LPIN3: variants seen among roughly 807,000 people sequenced by gnomAD.
The protein encoded by LPIN3 is phosphatidate phosphatase LPIN3.
In LPIN3, 82 loss-of-function variants were observed where a neutral mutation model predicts 94.7. That is an observed-to-expected ratio of 0.87 (90% CI 0.72 to 1.04). LPIN3 has a LOEUF of 1.04. LPIN3 is among the 50% of genes least tolerant of loss of function. LPIN3 has a pLI of 0.00. For missense variants in LPIN3, 996 were observed against 1,090.5 expected, an observed-to-expected ratio of 0.91 and a Z score of 1.22; for synonymous variants, 418 against 443.3, an observed-to-expected ratio of 0.94 and a Z score of 0.72.
At chr20:41,344,207 G>T (rs1201073463) in intron 1 of LPIN3, among the ~76,000 whole-genome samples, 1 of 152,232 alleles carries the variant, frequency 6.6e-6, no homozygotes, top group Admixed American at 6.5e-5. Flanking sequence ...CATTTTGAGT[G>T]CAGGGCATTG....
rs1364962142 is a variant in LPIN3, at chr20:41,358,279, C to T, written c.2235C>T (p.Cys745=). The T allele has an allele frequency of 6.2e-7, 1 of 1,614,190 alleles. No homozygotes were observed. The highest frequency in any genetic ancestry group is 8.5e-7 in the Non-Finnish European group (1 of 1,180,040). Residue 745 remains cysteine (C), a synonymous_variant, in exon 18 of 20, where the codon TGC becomes TGT. Transcript: ENST00000373257. The part of the protein sequence containing the change: ...EKKPEVFKVA[C]LSDIQQLFLP... ...AACCAGAGGTGTTCAAGGTCGCCTG[C>T]CTGAGTGACATCCAGCAGCTGTTTC... is the stretch of plus-strand genomic sequence containing the variant.
chr20:41,348,289 G>A (rs2045860226), intron 3 of LPIN3, among the ~76,000 whole-genome samples: 1 of 152,202 alleles, frequency 6.6e-6, no homozygotes, highest in Non-Finnish European at 1.5e-5. Context: ...TTGGGAGAGG[G>A]ATAGTCAAGG....
chr20:41,359,598 C>G lies in LPIN3; in HGVS notation c.*732C>G, dbSNP rs2046329279. 6.6e-6 allele frequency: 1 copy of G among 152,234 alleles called. No individual in the cohort carries two copies. The highest frequency in any genetic ancestry group is 1.5e-5 in the Non-Finnish European group (1 of 68,092). 9.4% of individuals were successfully genotyped at this position (152,234 alleles called of 1,614,324 possible). On this transcript the variant is annotated 3_prime_UTR_variant, in exon 20 of 20. Transcript: ENST00000373257. Reference sequence around the variant, plus strand: ...GTGTGGTACAGCCTCTGGAAGGACACAGTGTTCTCCCCGCCCCTTGTCTGG... The same window carrying G: ...GTGTGGTACAGCCTCTGGAAGGACAGAGTGTTCTCCCCGCCCCTTGTCTGG...
At chr20:41,346,072 C>A in intron 2 of LPIN3, 77 bp downstream of exon 2, 2 of 1,475,262 alleles carry the variant, frequency 1.4e-6, no homozygotes, top group South Asian at 1.3e-5. Context: ...AGTCCCAGGA[C>A]AGGACCTGGG....
In LPIN3 at chr20:41,348,741, C is replaced by T. The variant is rs1300544474; in HGVS notation, c.411C>T (p.Ala137=). 6.2e-7 allele frequency: 1 copy of T among 1,613,690 alleles called. No individual in the cohort carries two copies. Residue 137 remains alanine, a synonymous_variant, in exon 4 of 20, where the codon GCC becomes GCT. Transcript: ENST00000373257. ...AGGGCCTCGTCATGGCAGGCACGGCCTCCACTGGGCGGAGGAAGAGGCGTC... is the reference window on the plus strand; with the variant it reads ...AGGGCCTCGTCATGGCAGGCACGGCTTCCACTGGGCGGAGGAAGAGGCGTC... The part of the protein sequence containing the change: ...EPEGLVMAGT[A]STGRRKRRRR...
chr20:41,352,515 G>T, intron 9 of LPIN3, 91 bp from the exon 10 acceptor site: 1 of 1,166,640 alleles, frequency 8.6e-7, no homozygotes, highest in South Asian at 1.3e-5. Context: ...CCGACAGGAG[G>T]TGAGCAGCAG....
At position 41,347,566 on chromosome 20, in the gene LPIN3, C is replaced by G. The variant is rs756547433; in HGVS notation, c.207C>G (p.Leu69=). The G allele has an allele frequency of 6.2e-7, 1 of 1,614,178 alleles. No homozygotes were observed. The highest frequency in any genetic ancestry group is 8.5e-7 in the Non-Finnish European group (1 of 1,180,024). The part of the protein sequence containing the change: ...RSREKVVDIE[L]NGEPVDLHMK... ...TCCATTTGCAGGTAGACATTGAGCT[C>G]AATGGGGAGCCTGTGGACTTGCACA... is the stretch of plus-strand genomic sequence containing the variant. The change falls in exon 3 of 20, where the codon CTC becomes CTG. Residue 69 remains leucine (L), a synonymous_variant. Coordinates refer to ENST00000373257, the MANE Select transcript of LPIN3 (RefSeq NM_022896.3).
chr20:41,354,928 T>G (rs1600736085), intron 13 of LPIN3, 65 bp downstream of exon 13: 1 of 1,497,176 alleles, frequency 6.7e-7, no homozygotes, highest in Non-Finnish European at 9.0e-7. Flanking sequence ...TGGGTGCAGG[T>G]GGGTGGCAGG....
At position 41,357,460 on chromosome 20, in the gene LPIN3, G is replaced by C; in HGVS notation, c.2039+13G>C. Reference sequence around the variant, plus strand: ...ACAAAATCCAACTGTGAGTGCCTGGGCTGGGGCTGGGGCTGAGGCGAGGCC... The same window carrying C: ...ACAAAATCCAACTGTGAGTGCCTGGCCTGGGGCTGGGGCTGAGGCGAGGCC... On this transcript the variant is annotated intron_variant, in intron 16 of 19. Coordinates refer to ENST00000373257, the MANE Select transcript of LPIN3 (RefSeq NM_022896.3). 1.3e-6 allele frequency: 2 copies of C among 1,552,040 alleles called. No homozygotes were observed. The highest frequency in any genetic ancestry group is 2.3e-5 in the South Asian group (2 of 88,036).
intron 17 of LPIN3, 53 bp downstream of exon 17, chr20:41,358,087 C>T: frequency 6.4e-7 from 1 of 1,571,632 alleles, no homozygotes; most frequent in Non-Finnish European, 8.6e-7. Flanking sequence ...GAAAGGCAGG[C>T]CCACTGCCAG....
At chr20:41,346,255 G>T (rs1023193606) in intron 2 of LPIN3, among the ~76,000 whole-genome samples, 3 of 152,222 alleles carry the variant, frequency 2.0e-5, no homozygotes, top group African/African-American at 4.8e-5. Flanking sequence ...ACCTGGCTCA[G>T]CTTACTAAGA....
chr20:41,358,459 G>T lies in LPIN3; in HGVS notation c.2328G>T (p.Gln776His). 1.2e-6 allele frequency: 2 copies of T among 1,614,122 alleles called. No individual in the cohort carries two copies. The highest frequency in any genetic ancestry group is 1.7e-6 in the Non-Finnish European group (2 of 1,180,012). ...CACAGGATGTCTTTGCCTACCGGCA[G>T]GTGGGCCTGCCTGAGTCACGCATCT... is the stretch of plus-strand genomic sequence containing the variant. ...NRPNDVFAYR[Q>H]VGLPESRIFT... Residue 776 changes from glutamine (Q) to histidine (H), a missense_variant, in exon 19 of 20, where the codon CAG (glutamine) becomes CAT (histidine). Transcript: ENST00000373257.
At chr20:41,342,123 T>C (rs2045604483) in intron 1 of LPIN3, among the ~76,000 whole-genome samples, 1 of 152,184 alleles carries the variant, frequency 6.6e-6, no homozygotes, top group African/African-American at 2.4e-5. Context: ...TACAGGTTTT[T>C]ATTGCATTCC....
Position 41,349,828 on chromosome 20 carries a change from G to C in LPIN3, c.693G>C (p.Arg231=). ...SPKSDSELEV[R]TPEPSPLRAE... is the part of the protein sequence containing the mutation. ...AGAGCGACTCGGAGCTGGAGGTGCG[G>C]ACCCCGGAGCCCAGTCCCCTAAGAG... is the stretch of plus-strand genomic sequence containing the variant. Residue 231 remains arginine (R), a synonymous_variant, in exon 6 of 20, where the codon CGG becomes CGC. Coordinates refer to ENST00000373257, the MANE Select transcript of LPIN3 (RefSeq NM_022896.3). The C allele has an allele frequency of 6.2e-7, 1 of 1,613,650 alleles. No homozygotes were observed. The highest frequency in any genetic ancestry group is 8.5e-7 in the Non-Finnish European group (1 of 1,180,016).
chr20:41,351,495 C>T (rs1250883606), intron 7 of LPIN3, among the ~76,000 whole-genome samples: 1 of 151,794 alleles, frequency 6.6e-6, no homozygotes, highest in Non-Finnish European at 1.5e-5. Context: ...TGGGGTTTCA[C>T]CATGTTGGCC....
chr20:41,350,006 G>T (rs1202570958), intron 6 of LPIN3, 49 bp from the exon 7 acceptor site: 1 of 1,560,460 alleles, frequency 6.4e-7, no homozygotes, highest in South Asian at 1.2e-5. Context: ...GCTTTGTGGG[G>T]CATGGGCCTT....
At chr20:41,342,724 A>T (rs542502617) in intron 1 of LPIN3, among the ~76,000 whole-genome samples, 2 of 152,088 alleles carry the variant, frequency 1.3e-5, no homozygotes, top group African/African-American at 4.8e-5. Flanking sequence ...GGGGGCTCAC[A>T]GAAGGCCCCC....
intron 10 of LPIN3, 33 bp from the exon 11 acceptor site, chr20:41,352,765 G>A (rs375154930): frequency 6.2e-7 from 1 of 1,613,666 alleles, no homozygotes; most frequent in Non-Finnish European, 8.5e-7. Context: ...CCCTGCAGCT[G>A]CTGCAGCTTG....
rs1486365001 is a variant in LPIN3 at position 41,358,485 on chromosome 20, TCA to T, written c.2357_2358del (p.Thr786SerfsTer20). The stretch of plus-strand genomic sequence containing the variant: ...GTGGGCCTGCCTGAGTCACGCATCT[TCA>T]CAGTCAACCCCCGGGGAGAGCTCAT... On this transcript the variant is annotated frameshift_variant, in exon 19 of 20. Coordinates refer to ENST00000373257, the MANE Select transcript of LPIN3 (RefSeq NM_022896.3). LOFTEE classifies it high-confidence loss of function. 7.4e-6 allele frequency: 12 copies of T among 1,614,098 alleles called. No homozygotes were observed. The highest frequency in any genetic ancestry group is 1.0e-5 in the Non-Finnish European group (12 of 1,179,998).
Sources: allele counts gnomAD v4.1 joint callset (sites outside exome capture counted in the v4.1 genomes callset), GRCh38; gene constraint gnomAD v4.1.1; transcripts MANE v1.5; gene names NCBI Gene and HGNC (gene_info 2026-07-23, HGNC 2026-07-21).